Variants in USP15 observed in about 807,000 individuals in gnomAD.
The protein encoded by USP15 is ubiquitin carboxyl-terminal hydrolase 15.
Under a neutral mutation model 127.1 loss-of-function variants are expected in USP15, and 18 were observed. The observed-to-expected ratio is 0.14, with a 90% CI of 0.10 to 0.21. The LOEUF (loss-of-function observed/expected upper bound fraction) is 0.21. Ranked by LOEUF, USP15 falls within the 10% of genes least tolerant of loss-of-function variation. The probability of loss-of-function intolerance (pLI) is 1.00; values close to 1 mark genes in which losing one functional copy is unlikely to be tolerated. For missense variants in USP15, 805 were observed against 1,159.9 expected (o/e 0.69, Z 4.44); for synonymous variants, 364 against 393.7 (o/e 0.92, Z 0.89).
chr12:62,342,624 T>A (rs775118144), intron 6 of USP15, among the ~76,000 whole-genome samples: 2 of 152,174 alleles, frequency 1.3e-5, no homozygotes, highest in East Asian at 3.9e-4. Context: ...TGTTGCTTTC[T>A]GCTTGTTTGT....
chr12:62,262,199 C>T (rs577745566), intron 1 of USP15, among the ~76,000 whole-genome samples: 1 of 151,986 alleles, frequency 6.6e-6, no homozygotes, highest in South Asian at 2.1e-4. Flanking sequence ...GATCCGGCCA[C>T]TGCACTCTAG....
intron 21 of USP15, among the ~76,000 whole-genome samples, chr12:62,402,598 C>T (rs1271546750): frequency 6.6e-6 from 1 of 151,862 alleles, no homozygotes; most frequent in Non-Finnish European, 1.5e-5. Flanking sequence ...CATGACAAAG[C>T]GTGACATTTT....
At chr12:62,262,576 G>A (rs980348588) in intron 1 of USP15, among the ~76,000 whole-genome samples, 10 of 152,072 alleles carry the variant, frequency 6.6e-5, no homozygotes, top group Admixed American at 6.5e-4. Context: ...TGCATTGTGG[G>A]CGTTTAACTT....
At chr12:62,281,974 A>C (rs1233654272) in intron 1 of USP15, among the ~76,000 whole-genome samples, 3 of 152,140 alleles carry the variant, frequency 2.0e-5, no homozygotes, top group Admixed American at 2.0e-4. Context: ...GGATGCCTGA[A>C]CCTGCAAATA....
intron 20 of USP15, among the ~76,000 whole-genome samples, chr12:62,399,420 C>T (rs1329309961): frequency 6.6e-6 from 1 of 152,096 alleles, no homozygotes; most frequent in African/African-American, 2.4e-5. Flanking sequence ...TTTGTTAGCC[C>T]AACAGGACTT....
chr12:62,363,370 C>T (rs2066373821), intron 8 of USP15, among the ~76,000 whole-genome samples: 1 of 152,142 alleles, frequency 6.6e-6, no homozygotes, highest in African/African-American at 2.4e-5. Context: ...TTTCCTATCA[C>T]TTACCTCCAT....
chr12:62,281,966 A>T (rs1276196488), intron 1 of USP15, among the ~76,000 whole-genome samples: 2 of 152,124 alleles, frequency 1.3e-5, no homozygotes, highest in Admixed American at 6.5e-5. Flanking sequence ...CCCTCAGTGG[A>T]TGCCTGAACC....
At chr12:62,380,977 T>A (rs941052197) in intron 8 of USP15, among the ~76,000 whole-genome samples, 4 of 152,076 alleles carry the variant, frequency 2.6e-5, no homozygotes, top group Admixed American at 2.6e-4. Context: ...GCTCAAGTAA[T>A]CTGTACTGTC....
At chr12:62,367,927 T>C (rs149257928) in intron 8 of USP15, among the ~76,000 whole-genome samples, 1,771 of 152,342 alleles carry the variant, frequency 0.012, 24 homozygotes, top group South Asian at 0.028. Context: ...AGATCTTTCC[T>C]GCTTTCTCTT....
At chr12:62,270,030 G>A (rs572454898) in intron 1 of USP15, among the ~76,000 whole-genome samples, 8 of 152,004 alleles carry the variant, frequency 5.3e-5, no homozygotes, top group African/African-American at 1.9e-4. Context: ...TTTTCACCTC[G>A]TCAGCACTTA....
intron 5 of USP15, 90 bp from the exon 6 acceptor site, chr12:62,325,782 T>C: frequency 9.4e-7 from 1 of 1,064,064 alleles, no homozygotes; most frequent in East Asian, 2.5e-5. Context: ...ACAGAGTTAC[T>C]TTAGTTTCTT....
At chr12:62,306,905 T>C (rs1356773884) in intron 3 of USP15, among the ~76,000 whole-genome samples, 1 of 152,140 alleles carries the variant, frequency 6.6e-6, no homozygotes, top group East Asian at 1.9e-4. Context: ...ATAAAGTATT[T>C]AAGGGTTAAC....
intron 9 of USP15, among the ~76,000 whole-genome samples, chr12:62,382,648 T>C (rs1313843467): frequency 3.3e-5 from 5 of 151,988 alleles, no homozygotes; most frequent in African/African-American, 9.7e-5. Context: ...TGTCAGATGA[T>C]GATTCATACT....
intron 4 of USP15, among the ~76,000 whole-genome samples, chr12:62,315,422 T>C (rs530363667): frequency 7.8e-4 from 119 of 152,076 alleles, no homozygotes; most frequent in Admixed American, 2.9e-3. Context: ...TATATTAAAA[T>C]ATATATAAAT....
chr12:62,336,293 C>T, intron 6 of USP15: 1 of 985,316 alleles, frequency 1.0e-6, no homozygotes, highest in Non-Finnish European at 1.2e-6. Flanking sequence ...TAGGACTCAC[C>T]ACCTCAAATT....
At position 62,371,383 on chromosome 12, in the gene USP15, A is replaced by G. The variant is rs188923408; in HGVS notation, c.916-10107A>G. ...CAGAGGCTATCTTTGGTTTTCTTTT[A>G]TATCCCCAGTGTTAGTATAGTACCA... On this transcript the variant is annotated intron_variant, in intron 8 of 21. Transcript: ENST00000280377. Among the ~76,000 whole-genome samples the G allele has an allele frequency of 2.1e-4, 32 of 152,208 alleles. No individual in the cohort carries two copies. In the South Asian group the frequency reaches 3.1e-3, roughly 15 times the overall value.
chr12:62,385,173 C>T (rs964989379), intron 11 of USP15, among the ~76,000 whole-genome samples: 5 of 151,836 alleles, frequency 3.3e-5, no homozygotes, highest in African/African-American at 1.2e-4. Context: ...AATATTAATG[C>T]ACAAGAAGTA....
chr12:62,311,424 T>A (rs1375722750), intron 3 of USP15, among the ~76,000 whole-genome samples: 2 of 151,854 alleles, frequency 1.3e-5, no homozygotes, highest in African/African-American at 4.8e-5. Context: ...CTTTAGTTTC[T>A]TTTGAAATGA....
At chr12:62,346,049 G>A (rs910270928) in intron 6 of USP15, among the ~76,000 whole-genome samples, 9 of 152,082 alleles carry the variant, frequency 5.9e-5, no homozygotes, top group African/African-American at 1.2e-4. Context: ...ACACGTAGTC[G>A]TTTCCTAACG....
Sources: gnomAD v4.1 joint callset for allele counts (sites outside exome capture counted in the v4.1 genomes callset) on GRCh38, gnomAD v4.1.1 for gene constraint, MANE v1.5 for transcripts, NCBI Gene and HGNC (gene_info 2026-07-23, HGNC 2026-07-21) for gene names.